LAMA2: variants seen among roughly 807,000 people sequenced by gnomAD.
LAMA2 encodes the protein laminin subunit alpha 2.
A neutral mutation model predicts 364.8 loss-of-function variants in LAMA2; 269 were observed. The observed-to-expected ratio is 0.74, with a 90% CI of 0.67 to 0.82. The LOEUF is 0.82. Ranked by LOEUF, LAMA2 falls within the 40% of genes least tolerant of loss-of-function variation. The pLI, the probability that LAMA2 is intolerant of heterozygous loss-of-function variation, is 0.00. For missense variants in LAMA2, 3,807 were observed against 3,873.2 expected, an observed-to-expected ratio of 0.98 and a Z score of 0.45; for synonymous variants, 1,379 against 1,370.6, an observed-to-expected ratio of 1.01 and a Z score of -0.14.
chr6:129,463,371 C>T (rs758160481), intron 49 of LAMA2, among the ~76,000 whole-genome samples: 2 of 151,812 alleles, frequency 1.3e-5, no homozygotes, highest in Non-Finnish European at 2.9e-5. Flanking sequence ...TTTCTCATCC[C>T]ATAGTCACCA....
intron 12 of LAMA2, among the ~76,000 whole-genome samples, chr6:129,232,925 A>T (rs1275093259): frequency 6.6e-6 from 1 of 152,124 alleles, no homozygotes; most frequent in East Asian, 1.9e-4. Flanking sequence ...AAAGATGGAG[A>T]GTCCCTTGAA....
Position 129,478,693 on chromosome 6 carries a change from G to A in LAMA2, c.7452G>A (p.Arg2484=). Residue 2484 remains arginine, a splice_region_variant and synonymous_variant, in exon 54 of 65, where the codon AGG becomes AGA. Transcript: ENST00000421865. ...TGCTTTTCATTTGACTATTCAATAG[G>A]CCAGAAGTAAATCTGAAGAAATATT... ...PTLRNLSMKA[R]PEVNLKKYSG... The A allele has an allele frequency of 6.2e-7, 1 of 1,613,436 alleles. No homozygotes were observed. Among genetic ancestry groups the A allele is most frequent in the Non-Finnish European group, 8.5e-7 (1 of 1,179,550 alleles).
At chr6:129,160,510 A>C (rs1022004341) in intron 8 of LAMA2, among the ~76,000 whole-genome samples, 5 of 151,770 alleles carry the variant, frequency 3.3e-5, no homozygotes, top group Admixed American at 2.6e-4. Flanking sequence ...GGGGTTTATC[A>C]ATTTTCCTAA....
At chr6:129,134,824 C>G (rs959879717) in intron 4 of LAMA2, among the ~76,000 whole-genome samples, 1 of 152,122 alleles carries the variant, frequency 6.6e-6, no homozygotes, top group Admixed American at 6.5e-5. Flanking sequence ...TGCTTTAGCC[C>G]TCAACTCTTA....
chr6:128,912,457 C>T (rs1464955947), intron 1 of LAMA2, among the ~76,000 whole-genome samples: 2 of 152,094 alleles, frequency 1.3e-5, no homozygotes, highest in Non-Finnish European at 2.9e-5. Context: ...TAAAATTCTT[C>T]ATAGGTATAT....
chr6:129,248,227 C>G (rs1038263036), intron 12 of LAMA2, among the ~76,000 whole-genome samples: 32 of 152,140 alleles, frequency 2.1e-4, no homozygotes, highest in Middle Eastern at 3.2e-3. Context: ...ATCCCAAAAC[C>G]CCTCCTCTGT....
At chr6:129,213,053 G>C (rs1783199612) in intron 12 of LAMA2, among the ~76,000 whole-genome samples, 1 of 152,052 alleles carries the variant, frequency 6.6e-6, no homozygotes. Context: ...ACAAAAGTGG[G>C]GTTGACCATT....
At chr6:129,080,498 T>C (rs188184703) in intron 3 of LAMA2, among the ~76,000 whole-genome samples, 15 of 152,304 alleles carry the variant, frequency 9.8e-5, no homozygotes, top group Non-Finnish European at 2.1e-4. Flanking sequence ...TAACCTGAAA[T>C]GCTGGGTTGA....
rs1356659188 is a variant in LAMA2 at position 129,252,222 on chromosome 6, A to C, written c.2023A>C (p.Met675Leu). 1 of 1,614,004 alleles carries C rather than the reference A, an allele frequency of 6.2e-7. No individual in the cohort carries two copies. Among genetic ancestry groups the C allele is most frequent in the African/African-American group, 1.3e-5 (1 of 74,934 alleles). Reference protein sequence around the residue: ...THFPVRRKEFMTVLANLKRVL... With the variant: ...THFPVRRKEFLTVLANLKRVL... ...TTTTCCAGTCCGTAGAAAGGAATTT[A>C]TGACAGTGCTTGCGAATTTGAAGAG... Residue 675 changes from methionine to leucine, a missense_variant, in exon 14 of 65, where the codon ATG (methionine) becomes CTG (leucine). Transcript: ENST00000421865.
intron 3 of LAMA2, among the ~76,000 whole-genome samples, chr6:129,066,040 T>TGTC (rs1314261940): frequency 0.011 from 334 of 29,508 alleles, 44 homozygotes; most frequent in African/African-American, 0.023. Context: ...AGTCTCAGGT[T>TGTC]TTTTTTTTTT....
intron 1 of LAMA2, among the ~76,000 whole-genome samples, chr6:128,912,822 A>G (rs1191096238): frequency 6.6e-6 from 1 of 152,188 alleles, no homozygotes; most frequent in Admixed American, 6.5e-5. Flanking sequence ...ATTTCCATCT[A>G]ACAGGAACAG....
At chr6:129,120,833 G>A (rs771675062) in intron 4 of LAMA2, among the ~76,000 whole-genome samples, 1 of 142,472 alleles carries the variant, frequency 7.0e-6, no homozygotes, top group African/African-American at 2.8e-5. Flanking sequence ...CAAAAGATAC[G>A]GGAAAATGTA....
chr6:129,316,605 A>G (rs895561330), intron 27 of LAMA2, among the ~76,000 whole-genome samples: 1 of 152,234 alleles, frequency 6.6e-6, no homozygotes, highest in Non-Finnish European at 1.5e-5. Context: ...CCAGTGTGCC[A>G]TACAATGTTG....
chr6:128,898,757 T>A (rs1336564230), intron 1 of LAMA2, among the ~76,000 whole-genome samples: 1 of 152,248 alleles, frequency 6.6e-6, no homozygotes, highest in Non-Finnish European at 1.5e-5. Context: ...AAGAATAAAT[T>A]CTAAATTCAT....
chr6:129,505,741 C>T (rs1328595469), intron 61 of LAMA2, among the ~76,000 whole-genome samples: 1 of 151,840 alleles, frequency 6.6e-6, no homozygotes, highest in East Asian at 2.0e-4. Flanking sequence ...ACTGTGTTAG[C>T]CAGGATGGTC....
chr6:129,132,640 CT>C (rs1446978948), intron 4 of LAMA2, among the ~76,000 whole-genome samples: 2 of 152,282 alleles, frequency 1.3e-5, no homozygotes, highest in East Asian at 3.9e-4. Flanking sequence ...TTGTCTCAGG[CT>C]GTCCAGGTTG....
chr6:129,190,144 A>G (rs559386786), intron 10 of LAMA2, 61 bp from the exon 11 acceptor site: 3 of 1,534,192 alleles, frequency 2.0e-6, no homozygotes, highest in Middle Eastern at 1.7e-4. Context: ...TTATACAGAC[A>G]TGGACGCAGC....
intron 18 of LAMA2, among the ~76,000 whole-genome samples, chr6:129,284,946 A>G (rs970064): frequency 1 from 151,609 of 152,284 alleles, 75,474 homozygotes; most frequent in Middle Eastern, 1. Flanking sequence ...ATGTCAAGAT[A>G]TCCGTTTCTA....
intron 1 of LAMA2, among the ~76,000 whole-genome samples, chr6:128,981,075 G>T (rs1172547371): frequency 6.6e-6 from 1 of 152,004 alleles, no homozygotes; most frequent in African/African-American, 2.4e-5. Flanking sequence ...AGATGCCTAA[G>T]TCAGAAACCT....
Sources: allele counts gnomAD v4.1 joint callset (sites outside exome capture counted in the v4.1 genomes callset), GRCh38; gene constraint gnomAD v4.1.1; transcripts MANE v1.5; gene names NCBI Gene and HGNC (gene_info 2026-07-23, HGNC 2026-07-21).